P2RX1: variants seen among roughly 807,000 people sequenced by gnomAD.
P2RX1 encodes the protein P2X purinoceptor 1.
A neutral mutation model predicts 50.3 loss-of-function variants in P2RX1; 42 were observed. The ratio of observed to expected loss-of-function variants is 0.83; its 90% CI spans 0.65 to 1.08. P2RX1 has a LOEUF of 1.08. Ranked by LOEUF, P2RX1 falls within the 50% of genes least tolerant of loss-of-function variation. The probability of loss-of-function intolerance (pLI) is 0.00; values close to 1 mark genes in which losing one functional copy is unlikely to be tolerated. For synonymous variants in P2RX1, 199 were observed against 202.6 expected (o/e 0.98, Z 0.15); for missense variants, 449 against 529.0 (o/e 0.85, Z 1.48).
At chr17:3,905,006 C>T (rs2056235399) in intron 2 of P2RX1, 77 bp from the exon 3 acceptor site, 2 of 1,211,274 alleles carry the variant, frequency 1.7e-6, no homozygotes, top group Middle Eastern at 2.4e-4. Context: ...ACCGCTGCCC[C>T]AGCAGAGGCC....
chr17:3,910,185 G>T (rs1483370203), intron 1 of P2RX1, among the ~76,000 whole-genome samples: 2 of 152,006 alleles, frequency 1.3e-5, no homozygotes, highest in Non-Finnish European at 2.9e-5. Flanking sequence ...ATGTTGGCCA[G>T]GCTGGTCTTG....
intron 10 of P2RX1, 93 bp from the exon 11 acceptor site, chr17:3,898,203 C>T: frequency 1.8e-6 from 2 of 1,120,884 alleles, no homozygotes; most frequent in South Asian, 1.2e-5. Flanking sequence ...TGGTGAGGCC[C>T]TGGCTGGATC....
intron 7 of P2RX1, among the ~76,000 whole-genome samples, chr17:3,901,006 GCTGGGAAA>G (rs2056128295): frequency 6.6e-6 from 1 of 152,234 alleles, no homozygotes; most frequent in Non-Finnish European, 1.5e-5. Flanking sequence ...GGGACAGGGA[GCTGGGAAA>G]CTTGCCAGGA....
At chr17:3,900,444 C>G (rs2056117818) in intron 7 of P2RX1, among the ~76,000 whole-genome samples, 1 of 151,842 alleles carries the variant, frequency 6.6e-6, no homozygotes, top group Admixed American at 6.6e-5. Context: ...ACAGAGCAAG[C>G]CTCTGTCTCA....
At chr17:3,901,916 C>T (rs115121163) in intron 7 of P2RX1, among the ~76,000 whole-genome samples, 2,071 of 152,140 alleles carry the variant, frequency 0.014, 47 homozygotes, top group African/African-American at 0.048. Flanking sequence ...TGCCCCCCGT[C>T]GGTGGGTCCA....
At chr17:3,915,239 GAC>G (rs1019373395) in intron 1 of P2RX1, 1 of 357,970 alleles carries the variant, frequency 2.8e-6, no homozygotes, top group Non-Finnish European at 5.5e-6. Context: ...ACACACAGGG[GAC>G]ACACACTGGC....
At chr17:3,912,620 C>T (rs568132651) in intron 1 of P2RX1, among the ~76,000 whole-genome samples, 3 of 152,348 alleles carry the variant, frequency 2.0e-5, no homozygotes, top group South Asian at 2.1e-4. Flanking sequence ...CGTGAGCCAA[C>T]GCACCCGGCC....
chr17:3,906,731 T>G (rs1263577660), intron 1 of P2RX1, among the ~76,000 whole-genome samples: 1 of 152,164 alleles, frequency 6.6e-6, no homozygotes, highest in Non-Finnish European at 1.5e-5. Context: ...TCCTTTGGAT[T>G]CTCCACTTTC....
At chr17:3,904,473 C>A in intron 3 of P2RX1, 74 bp from the exon 4 acceptor site, 1 of 1,347,590 alleles carries the variant, frequency 7.4e-7, no homozygotes, top group Non-Finnish European at 1.0e-6. Context: ...CCCCACCCCC[C>A]AGGGCCCTAG....
In P2RX1 at chr17:3,913,014, G is replaced by T. The variant is rs1597530624; in HGVS notation, c.137+3075C>A. On this transcript the variant is annotated intron_variant, in intron 1 of 11. Transcript: ENST00000225538. ...GCCCCCAGGTCTTTGCTTATGGCTG[G>T]TTCCATCAGTGTGTCACCTCCTCCA... is the stretch of plus-strand genomic sequence containing the variant. 3.9e-5 allele frequency among the ~76,000 whole-genome samples: 6 copies of T among 152,168 alleles called. 1 individual carries two copies. In the South Asian group the frequency reaches 1.2e-3, roughly 32 times the overall value.
At chr17:3,898,638 C>G in intron 9 of P2RX1, 89 bp from the exon 10 acceptor site, 1 of 1,002,650 alleles carries the variant, frequency 1.0e-6, no homozygotes, top group Non-Finnish European at 1.6e-6. Flanking sequence ...GACTTCCCCA[C>G]CCTCGGCTGT....
Position 3,903,151 on chromosome 17 carries a change from C to G in P2RX1, c.747+51G>C. 3.1e-6 allele frequency: 5 copies of G among 1,612,162 alleles called. No individual in the cohort carries two copies. Among genetic ancestry groups the G allele is most frequent in the Non-Finnish European group, 4.2e-6 (5 of 1,179,452 alleles). The stretch of plus-strand genomic sequence containing the variant: ...TGAACTGGGCCTAAAAAGCCTTTAT[C>G]AGGATCCTGCGGCCCAGCCCTCCCC... On this transcript the variant is annotated intron_variant, in intron 7 of 11. Coordinates refer to ENST00000225538, the MANE Select transcript of P2RX1 (RefSeq NM_002558.4). The surrounding 1 kb of genome is among the most constrained non-coding windows in gnomAD (Gnocchi z 4.6).
intron 7 of P2RX1, among the ~76,000 whole-genome samples, chr17:3,901,120 T>C (rs1198908352): frequency 6.6e-6 from 1 of 151,846 alleles, no homozygotes; most frequent in Non-Finnish European, 1.5e-5. Context: ...CAGACTGGAG[T>C]GCAGTGGCAC....
rs568319488 is a variant in P2RX1, at chr17:3,908,576, T to A, written c.138-3209A>T. Reference sequence around the variant, plus strand: ...GACTCCGTCTCAAAAAAACAAAAAATAATAATAGAATGACTATGGTGCCAG... The same window carrying A: ...GACTCCGTCTCAAAAAAACAAAAAAAAATAATAGAATGACTATGGTGCCAG... On this transcript the variant is annotated intron_variant, in intron 1 of 11. Transcript: ENST00000225538. 9.2e-5 allele frequency among the ~76,000 whole-genome samples: 14 copies of A among 152,058 alleles called. No individual in the cohort carries two copies. In the South Asian group the frequency reaches 1.9e-3, roughly 20 times the overall value.
Position 3,916,391 on chromosome 17 carries a change from G to C in P2RX1, c.-166C>G. The C allele has an allele frequency of 1.4e-6, 1 of 700,228 alleles. No individual in the cohort carries two copies. The highest frequency in any genetic ancestry group is 2.4e-6 in the Non-Finnish European group (1 of 421,946). 43.4% of individuals were successfully genotyped at this position (700,228 alleles called of 1,614,324 possible). ...GCCAGAGGACAGGAGCCAGAGGTCA[G>C]CTGGAGGCACTTGGGTTGGAGAGAG... On this transcript the variant is annotated 5_prime_UTR_variant, in exon 1 of 12. Transcript: ENST00000225538.
In P2RX1 at chr17:3,898,118, C is replaced by G. The variant is rs757598733; in HGVS notation, c.1033-8G>C. On this transcript the variant is annotated splice_polypyrimidine_tract_variant and splice_region_variant and intron_variant, in intron 10 of 11. Transcript: ENST00000225538. ...GTCACAGAGAACTGTGGCCTGGGGT[C>G]AGGGAAGGGCACGGAGACAGCGTGG... 6.2e-7 allele frequency: 1 copy of G among 1,611,666 alleles called. No homozygotes were observed. The highest frequency in any genetic ancestry group is 2.2e-5 in the East Asian group (1 of 44,760).
rs569574451 is a variant in P2RX1 at position 3,906,359 on chromosome 17, T to C, written c.138-992A>G. ...TGTTGGCCAGGATGTTCTCGATCTC[T>C]TGACCTAGTGATCCGCCCGCCTCGG... On this transcript the variant is annotated intron_variant, in intron 1 of 11. Coordinates refer to ENST00000225538, the MANE Select transcript of P2RX1 (RefSeq NM_002558.4). Among the ~76,000 whole-genome samples the C allele has an allele frequency of 3.2e-3, 492 of 152,226 alleles. 4 individuals carry two copies. The highest frequency in any genetic ancestry group is 5.8e-3 in the Non-Finnish European group (391 of 67,992).
intron 10 of P2RX1, 61 bp downstream of exon 10, chr17:3,898,423 C>G (rs2056073454): frequency 1.5e-6 from 2 of 1,337,566 alleles, no homozygotes; most frequent in Admixed American, 3.4e-5. Context: ...CTTGCTGCTA[C>G]TGAATTGTGG....
chr17:3,900,781 C>CT (rs2056124338), intron 7 of P2RX1, among the ~76,000 whole-genome samples: 1 of 152,204 alleles, frequency 6.6e-6, no homozygotes, highest in Non-Finnish European at 1.5e-5. Context: ...ACGAAGCTAT[C>CT]TGTCTCATTC....
Sources: gnomAD v4.1 joint callset for allele counts (sites outside exome capture counted in the v4.1 genomes callset) on GRCh38, gnomAD v4.1.1 for gene constraint, Gnocchi (gnomAD v3.1) non-coding constraint, MANE v1.5 for transcripts, NCBI Gene and HGNC (gene_info 2026-07-23, HGNC 2026-07-21) for gene names.